The following CFDP1 variants were observed in gnomAD, a reference collection of about 807,000 sequenced individuals.
The protein encoded by CFDP1 is heterochromatin-stabilizing protein CFDP1.
Under a neutral mutation model 40.1 loss-of-function variants are expected in CFDP1, and 31 were observed. That is an observed-to-expected ratio of 0.77 (90% CI 0.58 to 1.04). The LOEUF (loss-of-function observed/expected upper bound fraction) is 1.04. Ranked by LOEUF, CFDP1 falls within the 50% of genes least tolerant of loss-of-function variation. The probability of loss-of-function intolerance (pLI) is 0.00; values close to 1 mark genes in which losing one functional copy is unlikely to be tolerated. For synonymous variants in CFDP1, 167 were observed against 120.0 expected (o/e 1.39, Z -2.56); for missense variants, 423 against 343.4 (o/e 1.23, Z -1.83).
intron 6 of CFDP1, among the ~76,000 whole-genome samples, chr16:75,294,801 TGG>T (rs2078170597): frequency 6.6e-6 from 1 of 152,110 alleles, no homozygotes; most frequent in Admixed American, 6.5e-5. Flanking sequence ...CCTTGAAAGG[TGG>T]ACACTCTGCT....
intron 5 of CFDP1, among the ~76,000 whole-genome samples, chr16:75,317,818 G>A (rs2078333617): frequency 6.6e-6 from 1 of 152,064 alleles, no homozygotes; most frequent in Admixed American, 6.5e-5. Flanking sequence ...GGCATTAAAA[G>A]TCAATGACCT....
At chr16:75,351,448 G>T (rs2078610256) in intron 5 of CFDP1, among the ~76,000 whole-genome samples, 5 of 152,130 alleles carry the variant, frequency 3.3e-5, no homozygotes, top group Admixed American at 3.3e-4. Context: ...GCCATACAGG[G>T]ATGGAAGCTA....
intron 5 of CFDP1, among the ~76,000 whole-genome samples, chr16:75,324,436 G>T (rs963454692): frequency 2.0e-5 from 3 of 152,072 alleles, no homozygotes; most frequent in Middle Eastern, 3.2e-3. Flanking sequence ...AATCCAGAAA[G>T]AAATTTTAAA....
chr16:75,431,584 A>G (rs536101204), intron 1 of CFDP1, among the ~76,000 whole-genome samples: 2 of 152,226 alleles, frequency 1.3e-5, no homozygotes, highest in East Asian at 1.9e-4. Flanking sequence ...GGCCGCATTA[A>G]GCAGAGACTG....
At chr16:75,417,817 CAA>C (rs901514607) in intron 1 of CFDP1, among the ~76,000 whole-genome samples, 5 of 137,244 alleles carry the variant, frequency 3.6e-5, no homozygotes, top group Admixed American at 1.5e-4. Context: ...ATTCCAAAGA[CAA>C]AAAAAAAAAA....
intron 6 of CFDP1, chr16:75,301,842 G>C (rs2078224037): frequency 6.6e-6 from 1 of 152,266 alleles, no homozygotes; most frequent in Non-Finnish European, 1.5e-5. Flanking sequence ...CTCATGCTCA[G>C]CCAAGGTGAA....
chr16:75,294,088 A>G, intron 6 of CFDP1, 46 bp from the exon 7 acceptor site: 1 of 1,439,908 alleles, frequency 6.9e-7, no homozygotes, highest in South Asian at 1.1e-5. Context: ...AGTAGGAAAA[A>G]CTCCTCCCCT....
chr16:75,350,124 C>T (rs773733834), intron 5 of CFDP1, among the ~76,000 whole-genome samples: 3 of 152,092 alleles, frequency 2.0e-5, no homozygotes, highest in Non-Finnish European at 4.4e-5. Flanking sequence ...TTTGGACATA[C>T]ATTTTGTTCA....
At chr16:75,389,466 G>T (rs1021298095) in intron 5 of CFDP1, among the ~76,000 whole-genome samples, 3 of 152,128 alleles carry the variant, frequency 2.0e-5, no homozygotes, top group African/African-American at 7.2e-5. Context: ...TGGAGGAAAT[G>T]CATTTTTAGT....
At chr16:75,394,888 T>C (rs986588759) in intron 5 of CFDP1, 5 of 561,524 alleles carry the variant, frequency 8.9e-6, no homozygotes, top group Non-Finnish European at 1.5e-5. Context: ...CACAAACTCC[T>C]GGGTTCAAGC....
chr16:75,342,032 A>G (rs2078530860), intron 5 of CFDP1, among the ~76,000 whole-genome samples: 1 of 152,190 alleles, frequency 6.6e-6, no homozygotes, highest in Non-Finnish European at 1.5e-5. Flanking sequence ...TAGTTCACAC[A>G]TTCCAAGTTA....
At chr16:75,303,071 G>A (rs538703506) in intron 6 of CFDP1, among the ~76,000 whole-genome samples, 40 of 151,648 alleles carry the variant, frequency 2.6e-4, no homozygotes, top group East Asian at 7.8e-4. Flanking sequence ...GTGTAGGCGC[G>A]CGCCTGTAAT....
intron 5 of CFDP1, among the ~76,000 whole-genome samples, chr16:75,313,315 C>G (rs1224358506): frequency 6.6e-6 from 1 of 152,156 alleles, no homozygotes; most frequent in Non-Finnish European, 1.5e-5. Flanking sequence ...ACTTGTGCTA[C>G]CAGGTAGGCA....
At chr16:75,383,616 C>T (rs989964475) in intron 5 of CFDP1, among the ~76,000 whole-genome samples, 4 of 151,880 alleles carry the variant, frequency 2.6e-5, no homozygotes, top group African/African-American at 9.7e-5. Context: ...GTCAAGTGAT[C>T]GAGACCATCC....
At chr16:75,389,241 G>C (rs1275661697) in intron 5 of CFDP1, among the ~76,000 whole-genome samples, 1 of 152,218 alleles carries the variant, frequency 6.6e-6, no homozygotes, top group East Asian at 1.9e-4. Flanking sequence ...AGTACTGGTA[G>C]TAAGGACTGG....
chr16:75,320,396 A>G (rs1297502734), intron 5 of CFDP1, among the ~76,000 whole-genome samples: 1 of 152,212 alleles, frequency 6.6e-6, no homozygotes, highest in Non-Finnish European at 1.5e-5. Context: ...GGTCTGCTGA[A>G]ACAAAGTTGG....
At chr16:75,324,554 C>T (rs1217959713) in intron 5 of CFDP1, 1 of 151,952 alleles carries the variant, frequency 6.6e-6, no homozygotes, top group Non-Finnish European at 1.5e-5. Flanking sequence ...CCAGCCTGGC[C>T]AACATGGTGA....
At chr16:75,354,536 C>T (rs8050769) in intron 5 of CFDP1, among the ~76,000 whole-genome samples, 78,551 of 151,910 alleles carry the variant, frequency 0.52, 21,415 homozygotes, top group Admixed American at 0.64. Flanking sequence ...CCTCATGATG[C>T]ATAAAAACAT....
At chr16:75,370,912 A>C (rs967879176) in intron 5 of CFDP1, among the ~76,000 whole-genome samples, 3 of 152,200 alleles carry the variant, frequency 2.0e-5, no homozygotes, top group Admixed American at 6.5e-5. Context: ...TGCAGAAATC[A>C]ACTCACTTGC....
Sources: allele counts gnomAD v4.1 joint callset (sites outside exome capture counted in the v4.1 genomes callset), GRCh38; gene constraint gnomAD v4.1.1; transcripts MANE v1.5; gene names NCBI Gene and HGNC (gene_info 2026-07-23, HGNC 2026-07-21).